Variants in MGAT4C observed in about 807,000 individuals in gnomAD.
MGAT4C encodes the protein MGAT4 family member C.
MGAT4C carries 19 observed loss-of-function variants against 40.1 expected under a neutral mutation model. That is an observed-to-expected ratio of 0.47 (90% confidence interval 0.33 to 0.70). The LOEUF is 0.70. MGAT4C is among the 30% of genes least tolerant of loss of function. MGAT4C has a pLI of 0.02. For synonymous variants in MGAT4C, 181 were observed against 187.1 expected (o/e 0.97, Z 0.27); for missense variants, 491 against 563.2 (o/e 0.87, Z 1.30).
intron 2 of MGAT4C, among the ~76,000 whole-genome samples, chr12:86,037,714 T>C (rs1487760297): frequency 6.7e-6 from 1 of 149,840 alleles, no homozygotes; most frequent in Non-Finnish European, 1.5e-5. Flanking sequence ...TTCCAATTAT[T>C]TGGTCAATTT....
At chr12:86,781,310 C>T (rs1951836043) in intron 1 of MGAT4C, among the ~76,000 whole-genome samples, 1 of 151,926 alleles carries the variant, frequency 6.6e-6, no homozygotes, top group Non-Finnish European at 1.5e-5. Flanking sequence ...TCCTCATCCT[C>T]ATCAACAACT....
chr12:86,275,262 G>A (rs116417681), intron 4 of MGAT4C, among the ~76,000 whole-genome samples: 14 of 152,230 alleles, frequency 9.2e-5, no homozygotes, highest in African/African-American at 2.6e-4. Flanking sequence ...ATGGTTAAGA[G>A]TAAGAGCACT....
intron 2 of MGAT4C, among the ~76,000 whole-genome samples, chr12:86,491,490 T>C (rs1461808722): frequency 6.6e-6 from 1 of 151,900 alleles, no homozygotes; most frequent in African/African-American, 2.4e-5. Flanking sequence ...GCTGGTTCAA[T>C]ATACGCAAAT....
intron 4 of MGAT4C, among the ~76,000 whole-genome samples, chr12:86,292,441 C>CT (rs5799775): frequency 0.66 from 98,323 of 148,326 alleles, 32,750 homozygotes; most frequent in South Asian, 0.78. Flanking sequence ...AACCCTACTA[C>CT]TTTTTTTTTT....
At chr12:86,625,878 A>C (rs1015181526) in intron 2 of MGAT4C, among the ~76,000 whole-genome samples, 2 of 152,176 alleles carry the variant, frequency 1.3e-5, no homozygotes, top group Non-Finnish European at 2.9e-5. Context: ...AAACATAGTA[A>C]ATATATCCAT....
At chr12:86,289,133 A>C (rs1457165385) in intron 4 of MGAT4C, among the ~76,000 whole-genome samples, 1 of 152,154 alleles carries the variant, frequency 6.6e-6, no homozygotes, top group Non-Finnish European at 1.5e-5. Context: ...AGAGCTAGCA[A>C]GTTATCCCAG....
chr12:86,282,265 C>T (rs1953236704), intron 4 of MGAT4C, among the ~76,000 whole-genome samples: 2 of 152,212 alleles, frequency 1.3e-5, no homozygotes, highest in South Asian at 4.1e-4. Flanking sequence ...TTATTTAACA[C>T]TCTTTTTCTC....
At chr12:86,075,259 C>T (rs1186309736) in intron 1 of MGAT4C, among the ~76,000 whole-genome samples, 2 of 152,278 alleles carry the variant, frequency 1.3e-5, no homozygotes, top group Non-Finnish European at 2.9e-5. Context: ...AGTCTGAAAT[C>T]CAGTGGTGCA....
chr12:86,290,751 A>C (rs1953490522), intron 4 of MGAT4C, among the ~76,000 whole-genome samples: 1 of 152,146 alleles, frequency 6.6e-6, no homozygotes, highest in Admixed American at 6.5e-5. Flanking sequence ...AGTAAACAAT[A>C]ACCACAAGAA....
At chr12:86,676,143 A>G (rs1384148649) in intron 2 of MGAT4C, among the ~76,000 whole-genome samples, 1 of 152,132 alleles carries the variant, frequency 6.6e-6, no homozygotes, top group Non-Finnish European at 1.5e-5. Flanking sequence ...TGATTTCTAG[A>G]GGAAGTGAGG....
intron 2 of MGAT4C, among the ~76,000 whole-genome samples, chr12:86,477,085 A>C (rs1332262861): frequency 1.3e-5 from 2 of 151,908 alleles, no homozygotes; most frequent in Non-Finnish European, 2.9e-5. Context: ...CAAAATGAAA[A>C]ATAAATATAT....
At chr12:86,609,624 T>A (rs1962174002) in intron 2 of MGAT4C, among the ~76,000 whole-genome samples, 1 of 152,086 alleles carries the variant, frequency 6.6e-6, no homozygotes. Context: ...AAATATTATG[T>A]TAAAATCCAA....
At chr12:86,573,487 T>C (rs1045762175) in intron 2 of MGAT4C, among the ~76,000 whole-genome samples, 1 of 152,068 alleles carries the variant, frequency 6.6e-6, no homozygotes, top group Non-Finnish European at 1.5e-5. Flanking sequence ...CAAAACATGC[T>C]TACTGTTTGA....
chr12:86,739,133 CAAAAAAAAAAAAAAAA>C lies in MGAT4C; in HGVS notation c.-261-11908_-261-11893del, dbSNP rs59869666. Among the ~76,000 whole-genome samples, 4 of 39,774 alleles carry C rather than the reference CAAAAAAAAAAAAAAAA, an allele frequency of 1.0e-4. No homozygotes were observed. In the East Asian group the frequency reaches 3.5e-3, roughly 35 times the overall value. The allele number at this position is 39,774 out of a possible 152,430, so 26.1% of individuals were successfully genotyped here. A position where few individuals can be genotyped will look rare whatever the true frequency, so the allele number is the denominator to read the frequency against. Reference sequence around the variant, plus strand: ...TTTAATTCAGCTATGTTTCCCTGTGCAAAAAAAAAAAAAAAAAAAAAAAAAAAAAATCTATGTTATA... The same window carrying C: ...TTTAATTCAGCTATGTTTCCCTGTGCAAAAAAAAAAAAAATCTATGTTATA... On this transcript the variant is annotated intron_variant, in intron 1 of 7. Coordinates refer to the MGAT4C transcript ENST00000548651.
intron 2 of MGAT4C, among the ~76,000 whole-genome samples, chr12:86,726,198 C>G (rs193261987): frequency 6.6e-6 from 1 of 152,292 alleles, no homozygotes; most frequent in East Asian, 1.9e-4. Flanking sequence ...ATAGCTATGT[C>G]TTCCTCCTAA....
intron 2 of MGAT4C, among the ~76,000 whole-genome samples, chr12:86,517,215 C>G (rs1005205126): frequency 1.3e-5 from 2 of 151,996 alleles, no homozygotes; most frequent in African/African-American, 4.8e-5. Context: ...GTGGTGATGG[C>G]CACACAGTTT....
intron 2 of MGAT4C, among the ~76,000 whole-genome samples, chr12:86,647,916 C>T (rs1373360351): frequency 1.3e-5 from 2 of 151,864 alleles, no homozygotes; most frequent in African/African-American, 2.4e-5. Context: ...TTTCTTTTAA[C>T]GTTTGTTTGT....
rs1953941165 is a variant in MGAT4C, at chr12:86,306,678, G to C, written c.-57+27387C>G. On this transcript the variant is annotated intron_variant, in intron 4 of 7. Coordinates refer to the MGAT4C transcript ENST00000548651. Reference sequence around the variant, plus strand: ...TAATGTAATAATATGCCTAGGATTTGTGCATTTTATTCTGTGGAAGTTTAA... The same window carrying C: ...TAATGTAATAATATGCCTAGGATTTCTGCATTTTATTCTGTGGAAGTTTAA... Among the ~76,000 whole-genome samples the C allele has an allele frequency of 2.7e-5, 4 of 150,514 alleles. No homozygotes were observed. In the South Asian group the frequency reaches 8.3e-4, roughly 31 times the overall value.
At chr12:86,658,968 C>A (rs1963915358) in intron 2 of MGAT4C, among the ~76,000 whole-genome samples, 1 of 151,944 alleles carries the variant, frequency 6.6e-6, no homozygotes, top group Admixed American at 6.6e-5. Context: ...ACCTGAACAC[C>A]AGAGGGAAGA....
Sources: allele counts gnomAD v4.1 joint callset (sites outside exome capture counted in the v4.1 genomes callset), GRCh38; gene constraint gnomAD v4.1.1; transcripts MANE v1.5; gene names NCBI Gene and HGNC (gene_info 2026-07-23, HGNC 2026-07-21).